Variants in RMC1 observed in about 807,000 individuals in gnomAD.
RMC1 encodes regulator of MON1-CCZ1 complex.
A neutral mutation model predicts 95.5 loss-of-function variants in RMC1; 44 were observed. The observed-to-expected ratio is 0.46, with a 90% CI of 0.36 to 0.59. The LOEUF (loss-of-function observed/expected upper bound fraction) is 0.59, where lower values mean the gene tolerates loss of function less well. Among genes scored for constraint, RMC1 ranks in the 20% least tolerant of loss-of-function variants. The pLI, the probability that RMC1 is intolerant of heterozygous loss-of-function variation, is 0.00. For missense variants in RMC1, 705 were observed against 819.6 expected (o/e 0.86, Z 1.71); for synonymous variants, 320 against 303.6 (o/e 1.05, Z -0.56).
chr18:23,523,989 G>C (rs2058220603), intron 10 of RMC1, 141 bp from the exon 11 acceptor site: 1 of 928,950 alleles, frequency 1.1e-6, no homozygotes, highest in Non-Finnish European at 1.7e-6. Flanking sequence ...CAGTGAGACG[G>C]AACAGTTCAT....
In RMC1 at chr18:23,526,692, C is replaced by T. The variant is rs1439408212; in HGVS notation, c.1116C>T (p.Asp372=). 1.2e-6 allele frequency: 2 copies of T among 1,614,156 alleles called. No homozygotes were observed. Among genetic ancestry groups the T allele is most frequent in the Non-Finnish European group, 1.7e-6 (2 of 1,180,002 alleles). ...AGCCCATAGTAAATCTCTTACCAGA[C>T]AAAGGAAGACTCATGGACTTTCTCC... ...KLEPIVNLLP[D]KGRLMDFLLQ... is the part of the protein sequence containing the mutation. Residue 372 remains aspartate, a synonymous_variant, in exon 13 of 20, where the codon GAC becomes GAT. Transcript: ENST00000269221.
At chr18:23,527,223 C>CA (rs386387173) in intron 13 of RMC1, among the ~76,000 whole-genome samples, 6,508 of 43,632 alleles carry the variant, frequency 0.15, 873 homozygotes, top group African/African-American at 0.28. Flanking sequence ...CCTGTCTCTA[C>CA]AAAAAAAAAA....
At chr18:23,513,612 A>G (rs1263213467) in intron 5 of RMC1, among the ~76,000 whole-genome samples, 1 of 152,192 alleles carries the variant, frequency 6.6e-6, no homozygotes, top group Non-Finnish European at 1.5e-5. Flanking sequence ...ATTTTAGGGA[A>G]CCGCTATACT....
chr18:23,509,356 A>AATAT (rs10688887), intron 5 of RMC1, 77 bp downstream of exon 5: 26 of 428,542 alleles, frequency 6.1e-5, no homozygotes, highest in East Asian at 4.8e-4. Flanking sequence ...TTCAGTACTG[A>AATAT]ATATATATAT....
chr18:23,529,108 G>A, intron 14 of RMC1, 71 bp from the exon 15 acceptor site: 2 of 1,555,642 alleles, frequency 1.3e-6, no homozygotes, highest in Non-Finnish European at 1.7e-6. Flanking sequence ...TTCAGTCCTT[G>A]TGGATGAACT....
chr18:23,518,009 T>G (rs983565905), intron 7 of RMC1, among the ~76,000 whole-genome samples: 4 of 152,330 alleles, frequency 2.6e-5, no homozygotes, highest in Middle Eastern at 3.4e-3. Context: ...TGAGCCGCCG[T>G]GCCCAGCCAG....
At chr18:23,505,854 G>C (rs2057701331) in intron 2 of RMC1, among the ~76,000 whole-genome samples, 1 of 152,112 alleles carries the variant, frequency 6.6e-6, no homozygotes, top group Admixed American at 6.5e-5. Context: ...GTGGGGGGAA[G>C]GTACTGAATT....
chr18:23,503,820 C>G, intron 1 of RMC1, 100 bp downstream of exon 1: 1 of 991,702 alleles, frequency 1.0e-6, no homozygotes, highest in Non-Finnish European at 1.4e-6. Context: ...CCCCTCCTGT[C>G]CTGTCCCGTC....
intron 8 of RMC1, 44 bp downstream of exon 8, chr18:23,519,023 T>C: frequency 3.1e-6 from 5 of 1,613,326 alleles, no homozygotes; most frequent in Non-Finnish European, 4.2e-6. Context: ...GATTTTAAAA[T>C]GTGAACTGCA....
chr18:23,528,140 TC>T lies in RMC1; in HGVS notation c.1296+242del. 1.2e-5 allele frequency: 5 copies of T among 413,278 alleles called. No individual in the cohort carries two copies. The South Asian group carries it at 1.9e-4, about 15-fold the overall frequency. The allele number at this position is 413,278 out of a possible 1,614,324, so 25.6% of individuals were successfully genotyped here. On this transcript the variant is annotated intron_variant, in intron 14 of 19. Coordinates refer to ENST00000269221, the MANE Select transcript of RMC1 (RefSeq NM_013326.5). ...TTCATACCTTCACTGTTTTTGTTTT[TC>T]CCATCTGTGTTTGATCTTGCCTGTA...
chr18:23,504,881 C>T (rs16939692), intron 2 of RMC1, among the ~76,000 whole-genome samples: 5,960 of 152,220 alleles, frequency 0.039, 392 homozygotes, highest in African/African-American at 0.14. Flanking sequence ...AGTCCCAGTT[C>T]GCACTGTTGA....
At chr18:23,520,463 AG>A (rs1359170009) in intron 10 of RMC1, 150 bp downstream of exon 10, 14 of 685,512 alleles carry the variant, frequency 2.0e-5, no homozygotes, top group African/African-American at 3.6e-5. Context: ...CATTTGTTCC[AG>A]TTTTGTTGTT....
Position 23,530,433 on chromosome 18 carries a change from A to G in RMC1, c.1715A>G (p.Lys572Arg). ...NDEIVEVLLS[K>R]HQVLAALRFI... ...GAAATAGTAGAAGTTCTCCTTTCCA[A>G]ACACCAAGTGTTAGCTGCCTTAAGG... The change falls in exon 19 of 20, where the codon AAA (lysine) becomes AGA (arginine). Residue 572 changes from lysine to arginine, a missense_variant. Coordinates refer to ENST00000269221, the MANE Select transcript of RMC1 (RefSeq NM_013326.5). 1.9e-6 allele frequency: 3 copies of G among 1,614,236 alleles called. No individual in the cohort carries two copies. Among genetic ancestry groups the G allele is most frequent in the Non-Finnish European group, 2.5e-6 (3 of 1,180,050 alleles).
chr18:23,506,900 T>G, intron 2 of RMC1, 70 bp from the exon 3 acceptor site: 1 of 1,076,616 alleles, frequency 9.3e-7, no homozygotes. Context: ...TTGTGTCTTT[T>G]GCCTTTTCAA....
intron 2 of RMC1, among the ~76,000 whole-genome samples, chr18:23,505,225 T>A (rs1238477782): frequency 6.6e-6 from 1 of 151,858 alleles, no homozygotes; most frequent in Non-Finnish European, 1.5e-5. Context: ...GCCCGGCTAA[T>A]TTTTTTTGTA....
intron 16 of RMC1, 54 bp downstream of exon 16, chr18:23,529,766 A>AC: frequency 6.6e-7 from 1 of 1,508,286 alleles, no homozygotes; most frequent in South Asian, 1.1e-5. Flanking sequence ...TAAAAAAAAA[A>AC]CACAGTCACT....
Position 23,530,534 on chromosome 18 carries a change from A to G in RMC1, c.1816A>G (p.Asn606Asp), listed in dbSNP as rs779721868. Residue 606 changes from asparagine (N) to aspartate (D), a missense_variant, in exon 19 of 20, where the codon AAC (asparagine) becomes GAC (aspartate). Asn to Asp is a conservative substitution (Grantham distance 23). Transcript: ENST00000269221. ...FLDAAKQTED[N>D]MLFYTIFRFF... is the part of the protein sequence containing the mutation. The stretch of plus-strand genomic sequence containing the variant: ...AGATGCTGCAAAGCAGACTGAAGAC[A>G]ACATGCTTTTCTATACAATATTCCG... 4.4e-5 allele frequency: 71 copies of G among 1,614,158 alleles called. No homozygotes were observed. The highest frequency in any genetic ancestry group is 1.5e-5 in the Non-Finnish European group (18 of 1,180,054).
chr18:23,527,774 G>T, intron 13 of RMC1, 21 bp from the exon 14 acceptor site: 2 of 1,598,522 alleles, frequency 1.3e-6, no homozygotes, highest in Non-Finnish European at 1.7e-6. Flanking sequence ...TGATCCGTGT[G>T]TGAACATTGT....
At position 23,520,103 on chromosome 18, in the gene RMC1, G is replaced by A. The variant is rs2058103837; in HGVS notation, c.850-99G>A. On this transcript the variant is annotated intron_variant, in intron 9 of 19. Transcript: ENST00000269221. ...CCTGTAGGGAGGAAATGCAAACACA[G>A]GCTTTTAAACTGATTTAAACAGCAA... 2.6e-5 allele frequency: 23 copies of A among 875,438 alleles called. No homozygotes were observed. In the South Asian group the frequency reaches 3.5e-4, roughly 13 times the overall value. The allele number at this position is 875,438 out of a possible 1,614,324, so 54.2% of individuals were successfully genotyped here. A position where few individuals can be genotyped will look rare whatever the true frequency, so the allele number is the denominator to read the frequency against.
Sources: allele counts gnomAD v4.1 joint callset (sites outside exome capture counted in the v4.1 genomes callset), GRCh38; gene constraint gnomAD v4.1.1; transcripts MANE v1.5; gene names NCBI Gene and HGNC (gene_info 2026-07-23, HGNC 2026-07-21).